The following SERINC5 variants were observed in gnomAD, a reference collection of about 807,000 sequenced individuals.
SERINC5 encodes chromosome 5 open reading frame 12.
A neutral mutation model predicts 63.1 loss-of-function variants in SERINC5; 41 were observed. The observed-to-expected ratio is 0.65, with a 90% CI of 0.51 to 0.84. The LOEUF is 0.84. Among genes scored for constraint, SERINC5 ranks in the 40% least tolerant of loss-of-function variants. SERINC5 has a pLI of 0.00. For missense variants in SERINC5, 523 were observed against 573.0 expected (o/e 0.91, Z 0.89); for synonymous variants, 222 against 215.2 (o/e 1.03, Z -0.28).
At chr5:80,122,781 C>T (rs1365996171) in intron 11 of SERINC5, among the ~76,000 whole-genome samples, 1 of 152,214 alleles carries the variant, frequency 6.6e-6, no homozygotes, top group Non-Finnish European at 1.5e-5. Context: ...AGAAGGAATA[C>T]CTCAAGGAAC....
intron 6 of SERINC5, chr5:80,166,682 T>C (rs1409494544): frequency 4.6e-6 from 2 of 439,152 alleles, no homozygotes; most frequent in Non-Finnish European, 8.4e-6. Flanking sequence ...GAACTGAACA[T>C]TGCTACTTCA....
In SERINC5 at chr5:80,256,024, C is replaced by T. The variant is rs1166981175; in HGVS notation, c.-102G>A. The T allele has an allele frequency of 9.0e-5, 110 of 1,226,724 alleles. 1 individual carries two copies. The highest frequency in any genetic ancestry group is 1.1e-4 in the Non-Finnish European group (105 of 928,666). The allele number at this position is 1,226,724 out of a possible 1,614,324, so 76.0% of individuals were successfully genotyped here. On this transcript the variant is annotated 5_prime_UTR_variant, in exon 1 of 12. The change creates a new upstream start codon in the 5' untranslated region. Transcript: ENST00000507668. ...GCGCTGGGCTCAGCCGCAGCTCACACTTGAACGAAGATCAGCCTCGGCGAA... is the reference window on the plus strand; with the variant it reads ...GCGCTGGGCTCAGCCGCAGCTCACATTTGAACGAAGATCAGCCTCGGCGAA...
intron 7 of SERINC5, among the ~76,000 whole-genome samples, chr5:80,163,411 TCAG>T (rs1747069145): frequency 1.3e-5 from 2 of 152,156 alleles, no homozygotes. Flanking sequence ...TTATCTTGGT[TCAG>T]TTCTCAAAAG....
intron 11 of SERINC5, among the ~76,000 whole-genome samples, chr5:80,118,597 G>A (rs1217589141): frequency 2.6e-5 from 4 of 151,930 alleles, no homozygotes; most frequent in Admixed American, 1.3e-4. Context: ...CCCCAGGATG[G>A]AGTACAGTGG....
chr5:80,136,280 A>G (rs1745172044), downstream of SERINC5, among the ~76,000 whole-genome samples: 1 of 136,236 alleles, frequency 7.3e-6, no homozygotes, highest in Non-Finnish European at 1.6e-5. Context: ...TCGTCTCAAA[A>G]AAACAAAAAA....
chr5:80,141,470 C>G lies in SERINC5; in HGVS notation c.*2193G>C. On this transcript the variant is annotated 3_prime_UTR_variant, in exon 12 of 12. Coordinates refer to ENST00000507668, the MANE Select transcript of SERINC5 (RefSeq NM_001174072.3). ...TTGACTGCGCGTAAGGTCAGTTTCT[C>G]AAATCACACCAGCTGGCAGCCAGAC... 1.0e-6 allele frequency: 1 copy of G among 955,092 alleles called. No homozygotes were observed. Among genetic ancestry groups the G allele is most frequent in the Non-Finnish European group, 1.2e-6 (1 of 829,318 alleles). The allele number at this position is 955,092 out of a possible 1,614,324, so 59.2% of individuals were successfully genotyped here.
At chr5:80,228,661 C>A (rs1561441644) in intron 1 of SERINC5, among the ~76,000 whole-genome samples, 1 of 151,970 alleles carries the variant, frequency 6.6e-6, no homozygotes, top group Non-Finnish European at 1.5e-5. Flanking sequence ...ACTCCCCAGG[C>A]TGGTCTTAAA....
chr5:80,129,625 T>C (rs1357169035), intron 11 of SERINC5, among the ~76,000 whole-genome samples: 1 of 151,886 alleles, frequency 6.6e-6, no homozygotes, highest in Admixed American at 6.6e-5. Flanking sequence ...GTCTAAATTA[T>C]TTTTTACAAG....
intron 1 of SERINC5, among the ~76,000 whole-genome samples, chr5:80,249,158 C>CA (rs1423841489): frequency 2.0e-5 from 3 of 151,896 alleles, no homozygotes; most frequent in South Asian, 2.1e-4. Flanking sequence ...ACTAAAAATA[C>CA]AAAAAAATTA....
chr5:80,115,694 C>T (rs1008212893), intron 11 of SERINC5, among the ~76,000 whole-genome samples: 2 of 151,984 alleles, frequency 1.3e-5, no homozygotes, highest in African/African-American at 4.8e-5. Context: ...TGCTGTTTTA[C>T]GTTTTCTTCT....
At chr5:80,161,910 C>A (rs1225326464) in intron 7 of SERINC5, among the ~76,000 whole-genome samples, 1 of 151,962 alleles carries the variant, frequency 6.6e-6, no homozygotes, top group Non-Finnish European at 1.5e-5. Flanking sequence ...GACAGGGGTT[C>A]GGTAGGGGTT....
At chr5:80,244,442 C>G (rs935490651) in intron 1 of SERINC5, among the ~76,000 whole-genome samples, 2 of 152,020 alleles carry the variant, frequency 1.3e-5, no homozygotes, top group African/African-American at 2.4e-5. Flanking sequence ...TCTCAAACTC[C>G]TGACCTCAAG....
intron 2 of SERINC5, among the ~76,000 whole-genome samples, chr5:80,195,296 A>G (rs1749430115): frequency 6.6e-6 from 1 of 152,114 alleles, no homozygotes; most frequent in African/African-American, 2.4e-5. Context: ...CAAAAAAAAA[A>G]AAAAAATTCT....
rs1745391681 is a variant in SERINC5, at chr5:80,139,784, G to A, written c.*3879C>T. The A allele has an allele frequency of 8.1e-6, 8 of 985,440 alleles. No homozygotes were observed. The highest frequency in any genetic ancestry group is 1.1e-4 in the East Asian group (1 of 8,818). 61.0% of individuals were successfully genotyped at this position (985,440 alleles called of 1,614,324 possible). ...CTACTGCATTGTCCCTGAAGAAGGAGGGCCCAGTGTTCTTTCTGGGTGTGT... is the reference window on the plus strand; with the variant it reads ...CTACTGCATTGTCCCTGAAGAAGGAAGGCCCAGTGTTCTTTCTGGGTGTGT... On this transcript the variant is annotated 3_prime_UTR_variant, in exon 12 of 12. Coordinates refer to ENST00000507668, the MANE Select transcript of SERINC5 (RefSeq NM_001174072.3).
chr5:80,159,810 T>A (rs1170270505), intron 7 of SERINC5, among the ~76,000 whole-genome samples: 3 of 152,142 alleles, frequency 2.0e-5, no homozygotes, highest in Admixed American at 2.0e-4. Flanking sequence ...GCTGGAGGCT[T>A]ACAGGAAGGT....
chr5:80,255,847 C>T (rs1580231387), intron 1 of SERINC5, 49 bp downstream of exon 1: 1 of 1,578,888 alleles, frequency 6.3e-7, no homozygotes, highest in East Asian at 2.4e-5. Context: ...GGACTCCTGG[C>T]CCGGTTCTCC....
chr5:80,182,354 A>G (rs1282620736), intron 2 of SERINC5, among the ~76,000 whole-genome samples: 1 of 152,194 alleles, frequency 6.6e-6, no homozygotes, highest in Non-Finnish European at 1.5e-5. Context: ...GTAGCTCTGC[A>G]AAGCTGCTGT....
At chr5:80,173,954 CACAAAATTTGAGCT>C (rs200008477) in intron 5 of SERINC5, among the ~76,000 whole-genome samples, 3,242 of 151,918 alleles carry the variant, frequency 0.021, 60 homozygotes, top group Non-Finnish European at 0.033. Flanking sequence ...CACTGTAAAC[CACAAAATTTGAGCT>C]AGAAAGGAAA....
chr5:80,249,379 G>A (rs908883329), intron 1 of SERINC5, among the ~76,000 whole-genome samples: 1 of 151,676 alleles, frequency 6.6e-6, no homozygotes, highest in African/African-American at 2.4e-5. Flanking sequence ...TGTAAACCCA[G>A]AAAACATTAA....
Sources: gnomAD v4.1 joint callset for allele counts (sites outside exome capture counted in the v4.1 genomes callset) on GRCh38, gnomAD v4.1.1 for gene constraint, MANE v1.5 for transcripts, NCBI Gene and HGNC (gene_info 2026-07-23, HGNC 2026-07-21) for gene names.